Variants in SHROOM2 observed in about 807,000 individuals in gnomAD.
SHROOM2 encodes shroom family member 2.
In SHROOM2, 33 loss-of-function variants were observed where a neutral mutation model predicts 75.9. The observed-to-expected ratio is 0.43, with a 90% confidence interval of 0.33 to 0.58. SHROOM2 has a LOEUF of 0.58. Ranked by LOEUF, SHROOM2 falls within the 20% of genes least tolerant of loss-of-function variation. The probability of loss-of-function intolerance (pLI) is 0.04; values close to 1 mark genes in which losing one functional copy is unlikely to be tolerated. For missense variants in SHROOM2, 1,434 were observed against 1,461.2 expected (o/e 0.98, Z 0.30); for synonymous variants, 655 against 663.6 (o/e 0.99, Z 0.20).
At chrX:9,831,136 G>A (rs1443489304) in intron 1 of SHROOM2, among the ~76,000 whole-genome samples, 3 of 112,195 alleles carry the variant, frequency 2.7e-5, no homozygotes, top group East Asian at 2.8e-4. Context: ...AGGGGAAACC[G>A]AAATAGCTGG....
intron 1 of SHROOM2, among the ~76,000 whole-genome samples, chrX:9,826,277 T>C (rs1409537564): frequency 8.9e-6 from 1 of 112,572 alleles, no homozygotes; most frequent in Non-Finnish European, 1.9e-5. Context: ...GTGCTCTTCA[T>C]GCATAACCTG....
chrX:9,897,607 G>A (rs914923122), intron 4 of SHROOM2, among the ~76,000 whole-genome samples: 1 of 101,797 alleles, frequency 9.8e-6, no homozygotes, highest in Non-Finnish European at 2.0e-5. Flanking sequence ...CGGTGCCCAA[G>A]GAGGTTCAGG....
intron 1 of SHROOM2, among the ~76,000 whole-genome samples, chrX:9,848,825 G>A (rs182281011): frequency 1.1e-4 from 12 of 111,411 alleles, no homozygotes; most frequent in African/African-American, 3.3e-4. Flanking sequence ...AACGTGTGCT[G>A]AGAACCAGCT....
At chrX:9,842,609 G>A (rs367950604) in intron 1 of SHROOM2, among the ~76,000 whole-genome samples, 1 of 112,309 alleles carries the variant, frequency 8.9e-6, no homozygotes, top group Non-Finnish European at 1.9e-5. Context: ...TGACACAAAC[G>A]TCTGTGGTTT....
chrX:9,874,402 T>G (rs2084187158), intron 2 of SHROOM2, among the ~76,000 whole-genome samples: 1 of 112,281 alleles, frequency 8.9e-6, no homozygotes, highest in African/African-American at 3.2e-5. Flanking sequence ...ATATGTCGCT[T>G]TCAAAGAGAA....
intron 9 of SHROOM2, among the ~76,000 whole-genome samples, chrX:9,946,336 T>G (rs1447301798): frequency 8.8e-6 from 1 of 113,148 alleles, no homozygotes; most frequent in African/African-American, 3.2e-5. Context: ...CTTTGCAGCA[T>G]CTCAGAATTC....
chrX:9,931,463 A>G (rs1001515752), intron 5 of SHROOM2, among the ~76,000 whole-genome samples: 1 of 111,363 alleles, frequency 9.0e-6, no homozygotes, highest in Non-Finnish European at 1.9e-5. Flanking sequence ...CCTGGGCAGC[A>G]CAGTGAGACC....
intron 1 of SHROOM2, among the ~76,000 whole-genome samples, chrX:9,796,676 G>C (rs779665660): frequency 4.7e-4 from 52 of 110,267 alleles, no homozygotes; most frequent in African/African-American, 1.7e-3. Context: ...ATGGGGTCTC[G>C]TTCTGTCATT....
At chrX:9,906,615 T>C (rs1353746431) in intron 5 of SHROOM2, among the ~76,000 whole-genome samples, 1 of 111,549 alleles carries the variant, frequency 9.0e-6, no homozygotes, top group East Asian at 2.8e-4. Context: ...GCCAACATGG[T>C]GAAACCCCGT....
intron 8 of SHROOM2, 88 bp downstream of exon 8, chrX:9,939,454 C>T (rs2084749771): frequency 1.2e-6 from 1 of 832,580 alleles, no homozygotes; most frequent in African/African-American, 2.1e-5. Flanking sequence ...AGCGCAGACC[C>T]TGCACCACGT....
At position 9,848,510 on chromosome X, in the gene SHROOM2, C is replaced by CAAAAAAA. The variant is rs774991614; in HGVS notation, c.166-25127_166-25121dup. On this transcript the variant is annotated intron_variant, in intron 1 of 9. Coordinates refer to ENST00000380913, the MANE Select transcript of SHROOM2 (RefSeq NM_001649.4). ...TGGGCGACAGAGCGAGACTCCGTCT[C>CAAAAAAA]AAAAAAAAAAAAAAAAAAAAAGAAA... is the stretch of plus-strand genomic sequence containing the variant. 3.9e-3 allele frequency among the ~76,000 whole-genome samples: 86 copies of CAAAAAAA among 21,992 alleles called. 11 individuals are homozygous for CAAAAAAA. Among genetic ancestry groups the CAAAAAAA allele is most frequent in the African/African-American group, 8.4e-3 (55 of 6,526 alleles). The allele number at this position is 21,992 out of a possible 115,157, so 19.1% of individuals were successfully genotyped here. A position where few individuals can be genotyped will look rare whatever the true frequency, so the allele number is the denominator to read the frequency against.
At chrX:9,926,338 A>G (rs11095522) in intron 5 of SHROOM2, among the ~76,000 whole-genome samples, 10,558 of 111,400 alleles carry the variant, frequency 0.095, 1,247 homozygotes, top group African/African-American at 0.33. Flanking sequence ...AAATGCTTCA[A>G]AGTTCAAAAC....
chrX:9,801,960 AAAAAAT>A (rs1474106092), intron 1 of SHROOM2, among the ~76,000 whole-genome samples: 2 of 111,679 alleles, frequency 1.8e-5, no homozygotes, highest in African/African-American at 6.5e-5. Flanking sequence ...ACCCTGTCTC[AAAAAAT>A]AAAAATTAAA....
At chrX:9,886,788 A>G (rs1013858620) in intron 2 of SHROOM2, among the ~76,000 whole-genome samples, 6 of 112,070 alleles carry the variant, frequency 5.4e-5, no homozygotes, top group Non-Finnish European at 1.1e-4. Context: ...CTTTTCATTG[A>G]CAAGTAATAT....
At chrX:9,876,585 C>T (rs2084202012) in intron 2 of SHROOM2, among the ~76,000 whole-genome samples, 1 of 112,199 alleles carries the variant, frequency 8.9e-6, no homozygotes, top group African/African-American at 3.2e-5. Flanking sequence ...GGAGCATGTA[C>T]CCTTACAAGT....
chrX:9,904,412 C>T (rs1329823814), intron 5 of SHROOM2, among the ~76,000 whole-genome samples: 2 of 111,925 alleles, frequency 1.8e-5, no homozygotes, highest in South Asian at 3.7e-4. Context: ...TAGCTGTACT[C>T]GCACAGGATC....
chrX:9,847,482 G>A (rs759570080), intron 1 of SHROOM2, among the ~76,000 whole-genome samples: 1 of 112,022 alleles, frequency 8.9e-6, no homozygotes, highest in Non-Finnish European at 1.9e-5. Flanking sequence ...CAGCTCCGAC[G>A]AATGTAAGAG....
At chrX:9,897,880 G>A (rs989639902) in intron 4 of SHROOM2, among the ~76,000 whole-genome samples, 1 of 111,794 alleles carries the variant, frequency 8.9e-6, no homozygotes, top group Non-Finnish European at 1.9e-5. Flanking sequence ...TGCTTGCTCT[G>A]TCAGGAGCAA....
chrX:9,809,968 G>C (rs992767278), intron 1 of SHROOM2, among the ~76,000 whole-genome samples: 28 of 112,485 alleles, frequency 2.5e-4, no homozygotes, highest in Admixed American at 1.1e-3. Context: ...GAGTCACTGC[G>C]CCCAGCCTGA....
Sources: gnomAD v4.1 joint callset for allele counts (sites outside exome capture counted in the v4.1 genomes callset) on GRCh38, gnomAD v4.1.1 for gene constraint, MANE v1.5 for transcripts, NCBI Gene and HGNC (gene_info 2026-07-23, HGNC 2026-07-21) for gene names.